Variants in IL33 observed in about 807,000 individuals in gnomAD.
IL33 encodes interleukin-33.
Under a neutral mutation model 27.3 loss-of-function variants are expected in IL33, and 37 were observed. That is an observed-to-expected ratio of 1.36 (90% CI 1.04 to 1.78). IL33 has a LOEUF of 1.78. IL33 is among the 40% of genes most tolerant of loss of function. IL33 has a pLI of 0.00. For synonymous variants in IL33, 132 were observed against 102.9 expected, an observed-to-expected ratio of 1.28 and a Z score of -1.71; for missense variants, 406 against 311.4, an observed-to-expected ratio of 1.30 and a Z score of -2.29.
chr9:6,253,676 T>C, intron 6 of IL33, 74 bp downstream of exon 6: 6 of 1,190,896 alleles, frequency 5.0e-6, no homozygotes, highest in African/African-American at 1.5e-5. Context: ...AAAAAAATCC[T>C]TTTTGCCCCA....
chr9:6,236,304 T>C (rs1819204051), intron 1 of IL33, among the ~76,000 whole-genome samples: 1 of 152,090 alleles, frequency 6.6e-6, no homozygotes, highest in Non-Finnish European at 1.5e-5. Context: ...ATAAAAGAGA[T>C]GTGTATAATT....
In IL33 at chr9:6,254,492, T is replaced by G. The variant is rs1816607005; in HGVS notation, c.551T>G (p.Val184Gly). The change falls in exon 7 of 8, where the codon GTA (valine) becomes GGA (glycine). Residue 184 changes from valine (V) to glycine (G), a missense_variant. Val to Gly is a moderately radical substitution (Grantham distance 109). Transcript: ENST00000682010. ...GDGVDGKMLM[V>G]TLSPTKDFWL... ...GGTGTTGATGGTAAGATGTTAATGG[T>G]AACCCTGAGTCCTACAAAAGACTTC... The G allele has an allele frequency of 6.3e-7, 1 of 1,596,852 alleles. No homozygotes were observed. Among genetic ancestry groups the G allele is most frequent in the African/African-American group, 1.3e-5 (1 of 74,594 alleles).
intron 1 of IL33, among the ~76,000 whole-genome samples, chr9:6,236,228 A>G (rs763895991): frequency 5.3e-5 from 8 of 152,356 alleles, no homozygotes; most frequent in South Asian, 2.1e-4. Context: ...TATTTATGAT[A>G]TAGTGTTAAT....
At chr9:6,255,310 T>C (rs1816660401) in intron 7 of IL33, among the ~76,000 whole-genome samples, 3 of 152,056 alleles carry the variant, frequency 2.0e-5, no homozygotes, top group Non-Finnish European at 1.5e-5. Flanking sequence ...TTAACATAAA[T>C]AGTGGATAGT....
At chr9:6,238,828 C>T (rs1056938274) in intron 1 of IL33, among the ~76,000 whole-genome samples, 1 of 152,178 alleles carries the variant, frequency 6.6e-6, no homozygotes, top group Non-Finnish European at 1.5e-5. Flanking sequence ...CCTCCACAAA[C>T]CACAGCACAG....
chr9:6,225,447 C>G (rs1470903998), intron 1 of IL33, among the ~76,000 whole-genome samples: 1 of 152,116 alleles, frequency 6.6e-6, no homozygotes, highest in African/African-American at 2.4e-5. Flanking sequence ...CACCACATAC[C>G]CATTTACTAG....
At chr9:6,245,618 T>A (rs905246715) in intron 2 of IL33, among the ~76,000 whole-genome samples, 1 of 152,134 alleles carries the variant, frequency 6.6e-6, no homozygotes, top group African/African-American at 2.4e-5. Context: ...GGACTAATGA[T>A]GAAGGTGTGA....
chr9:6,228,511 GT>G (rs892790981), intron 1 of IL33, among the ~76,000 whole-genome samples: 39 of 145,308 alleles, frequency 2.7e-4, no homozygotes, highest in South Asian at 1.1e-3. Context: ...GTTCCATGTT[GT>G]TTTTTTTTTT....
At position 6,254,496 on chromosome 9, in the gene IL33, C is replaced by T. The variant is rs368653702; in HGVS notation, c.555C>T (p.Thr185=). 2 of 1,596,926 alleles carry T rather than the reference C, an allele frequency of 1.3e-6. No homozygotes were observed. Among genetic ancestry groups the T allele is most frequent in the Non-Finnish European group, 1.7e-6 (2 of 1,169,682 alleles). ...DGVDGKMLMV[T]LSPTKDFWLH... The stretch of plus-strand genomic sequence containing the variant: ...TTGATGGTAAGATGTTAATGGTAAC[C>T]CTGAGTCCTACAAAAGACTTCTGGT... The change falls in exon 7 of 8, where the codon ACC becomes ACT. Residue 185 remains threonine (T), a synonymous_variant. Transcript: ENST00000682010.
intron 4 of IL33, 120 bp from the exon 5 acceptor site, chr9:6,252,746 C>A (rs1816476584): frequency 1.7e-6 from 2 of 1,165,850 alleles, no homozygotes; most frequent in Non-Finnish European, 2.5e-6. Context: ...AGGCTTTAAT[C>A]TAGCCAACAG....
chr9:6,231,889 G>A (rs1818945410), intron 1 of IL33, among the ~76,000 whole-genome samples: 1 of 152,024 alleles, frequency 6.6e-6, no homozygotes, highest in Non-Finnish European at 1.5e-5. Context: ...TCTCTTTTCT[G>A]TATTATCTAA....
At chr9:6,255,690 A>G (rs1212521553) in intron 7 of IL33, among the ~76,000 whole-genome samples, 1 of 152,144 alleles carries the variant, frequency 6.6e-6, no homozygotes, top group Admixed American at 6.6e-5. Context: ...ACATGTCAAA[A>G]GAAGGGTACA....
intron 1 of IL33, among the ~76,000 whole-genome samples, chr9:6,228,700 A>G (rs1295083659): frequency 6.6e-6 from 1 of 152,026 alleles, no homozygotes; most frequent in Non-Finnish European, 1.5e-5. Flanking sequence ...CTACAAAAAT[A>G]AAAATTTAGC....
chr9:6,242,950 C>T lies in IL33; in HGVS notation c.91+1165C>T, dbSNP rs4742170. Among the ~76,000 whole-genome samples the T allele has an allele frequency of 0.59, 90,006 of 151,928 alleles. 28,409 individuals carry two copies. The highest frequency in any genetic ancestry group is 0.72 in the Middle Eastern group (211 of 294). On this transcript the variant is annotated intron_variant, in intron 2 of 7. Coordinates refer to ENST00000682010, the MANE Select transcript of IL33 (RefSeq NM_033439.4). ...GTGCAGAGGTCACATAGGGGGAGAA[C>T]AGAGGGAGAACAGAAGCAGGAGAAA... is the stretch of plus-strand genomic sequence containing the variant.
chr9:6,233,077 C>T (rs963123530), intron 1 of IL33, among the ~76,000 whole-genome samples: 1 of 152,178 alleles, frequency 6.6e-6, no homozygotes, highest in Non-Finnish European at 1.5e-5. Context: ...CATTGTTGTA[C>T]AACCATAACC....
rs1273873030 is a variant in IL33, at chr9:6,253,539, C to G, written c.470-13C>G. The G allele has an allele frequency of 1.9e-6, 3 of 1,589,850 alleles. No homozygotes were observed. The highest frequency in any genetic ancestry group is 2.3e-5 in the South Asian group (2 of 87,858). ...TGTGTCTCACCAGAGGGATTTTATG[C>G]ATTCTCTTTCAGATAAGGTGTTACT... On this transcript the variant is annotated splice_polypyrimidine_tract_variant and intron_variant, in intron 5 of 7. Transcript: ENST00000682010.
At chr9:6,254,240 A>T (rs1247197780) in intron 6 of IL33, among the ~76,000 whole-genome samples, 2 of 152,212 alleles carry the variant, frequency 1.3e-5, no homozygotes, top group African/African-American at 2.4e-5. Context: ...CAACTCTCCA[A>T]TTAAAAAGCA....
chr9:6,226,200 G>T (rs894365379), intron 1 of IL33, among the ~76,000 whole-genome samples: 1 of 151,704 alleles, frequency 6.6e-6, no homozygotes. Context: ...TTTTTTAAGA[G>T]ATGGGGCCTC....
At chr9:6,252,398 C>T (rs1029873902) in intron 4 of IL33, among the ~76,000 whole-genome samples, 8 of 152,106 alleles carry the variant, frequency 5.3e-5, no homozygotes, top group Non-Finnish European at 1.0e-4. Flanking sequence ...CACTAAGTGT[C>T]CCTGTTATTT....
Sources: gnomAD v4.1 joint callset for allele counts (sites outside exome capture counted in the v4.1 genomes callset) on GRCh38, gnomAD v4.1.1 for gene constraint, MANE v1.5 for transcripts, NCBI Gene and HGNC (gene_info 2026-07-23, HGNC 2026-07-21) for gene names.